The following JPH1 variants were observed in gnomAD, a reference collection of about 807,000 sequenced individuals.
JPH1 encodes the protein junctophilin-1.
Under a neutral mutation model 53.6 loss-of-function variants are expected in JPH1, and 12 were observed. That is an observed-to-expected ratio of 0.22 (90% CI 0.14 to 0.36). The LOEUF (loss-of-function observed/expected upper bound fraction) is 0.36, where lower values mean the gene tolerates loss of function less well. JPH1 is among the 10% of genes least tolerant of loss of function. The pLI, the probability that JPH1 is intolerant of heterozygous loss-of-function variation, is 1.00. For synonymous variants in JPH1, 375 were observed against 363.8 expected (o/e 1.03, Z -0.35); for missense variants, 808 against 905.5 (o/e 0.89, Z 1.38).
At chr8:74,238,734 C>T (rs539451437) in intron 4 of JPH1, among the ~76,000 whole-genome samples, 1 of 152,304 alleles carries the variant, frequency 6.6e-6, no homozygotes, top group African/African-American at 2.4e-5. Context: ...CTCAGCTCAT[C>T]GCAGCCTTGA....
At chr8:74,280,331 G>A (rs140743585) in intron 2 of JPH1, among the ~76,000 whole-genome samples, 36 of 152,308 alleles carry the variant, frequency 2.4e-4, no homozygotes, top group African/African-American at 8.4e-4. Context: ...CACCTCCTCA[G>A]CTGTGAGGTG....
intron 2 of JPH1, among the ~76,000 whole-genome samples, chr8:74,303,650 C>T (rs548729189): frequency 7.8e-4 from 119 of 152,228 alleles, no homozygotes; most frequent in African/African-American, 2.8e-3. Flanking sequence ...GTGGCGTGAT[C>T]ATAGCTCACT....
intron 2 of JPH1, among the ~76,000 whole-genome samples, chr8:74,278,252 T>C (rs1252706846): frequency 6.7e-6 from 1 of 149,312 alleles, no homozygotes; most frequent in African/African-American, 2.6e-5. Flanking sequence ...GCTCTGTCTC[T>C]TTGTCTGCTG....
At position 74,237,280 on chromosome 8, in the gene JPH1, G is replaced by A; in HGVS notation, c.1929C>T (p.Val643=). 1 of 1,613,118 alleles carries A rather than the reference G, an allele frequency of 6.2e-7. No individual in the cohort carries two copies. Among genetic ancestry groups the A allele is most frequent in the Non-Finnish European group, 8.5e-7 (1 of 1,179,532 alleles). ...ACCCGATATTCAACAGCATGACAAG[G>A]ACAATCATGATTGAATTAGGGCCCT... The part of the protein sequence containing the change: ...ANSGPNSIMI[V]LVMLLNIGLA... The change falls in exon 5 of 6, where the codon GTC becomes GTT. Residue 643 remains valine (V), a synonymous_variant. Coordinates refer to ENST00000342232, the MANE Select transcript of JPH1 (RefSeq NM_020647.4).
intron 2 of JPH1, among the ~76,000 whole-genome samples, chr8:74,278,032 TA>T (rs1806899469): frequency 6.6e-6 from 1 of 152,172 alleles, no homozygotes; most frequent in Non-Finnish European, 1.5e-5. Flanking sequence ...TTCCCATTTC[TA>T]AACAAAAAGA....
intron 4 of JPH1, among the ~76,000 whole-genome samples, chr8:74,242,689 G>A (rs1252479500): frequency 6.6e-6 from 1 of 152,138 alleles, no homozygotes; most frequent in Non-Finnish European, 1.5e-5. Flanking sequence ...TAGAATCTTC[G>A]CGTGAAGGTG....
chr8:74,292,953 C>A (rs569994417), intron 2 of JPH1, among the ~76,000 whole-genome samples: 1 of 152,276 alleles, frequency 6.6e-6, no homozygotes, highest in East Asian at 1.9e-4. Context: ...AAAAAGGAAG[C>A]CTCCATCAAA....
chr8:74,275,361 C>T (rs187623045), intron 2 of JPH1, among the ~76,000 whole-genome samples: 61 of 152,192 alleles, frequency 4.0e-4, no homozygotes, highest in African/African-American at 1.4e-3. Context: ...AATATAATTA[C>T]GCTTTGAATA....
Position 74,285,614 on chromosome 8 carries a change from T to G in JPH1, c.1140-26111A>C, listed in dbSNP as rs901342172. 4.9e-5 allele frequency among the ~76,000 whole-genome samples: 7 copies of G among 143,752 alleles called. No individual in the cohort carries two copies. The South Asian group carries it at 6.5e-4, about 13-fold the overall frequency. The allele number at this position is 143,752 out of a possible 152,430, so 94.3% of individuals were successfully genotyped here. A position where few individuals can be genotyped will look rare whatever the true frequency, so the allele number is the denominator to read the frequency against. ...CAACTGACATGAGGCTATTTATGAT[T>G]CTTCTTTATCCCACCTAGTGTGATT... On this transcript the variant is annotated intron_variant, in intron 2 of 5. Transcript: ENST00000342232.
Position 74,237,335 on chromosome 8 carries a change from C to T in JPH1, c.1906-32G>A, listed in dbSNP as rs200526256. 1,071 of 1,514,672 alleles carry T rather than the reference C, an allele frequency of 7.1e-4. 13 individuals are homozygous for T. In the South Asian group the frequency reaches 0.012, roughly 17 times the overall value. 93.8% of individuals were successfully genotyped at this position (1,514,672 alleles called of 1,614,324 possible). A position where few individuals can be genotyped will look rare whatever the true frequency, so the allele number is the denominator to read the frequency against. On this transcript the variant is annotated intron_variant, in intron 4 of 5. Coordinates refer to ENST00000342232, the MANE Select transcript of JPH1 (RefSeq NM_020647.4). The stretch of plus-strand genomic sequence containing the variant: ...ATGAAAGAGAACAAAGTAACTATAA[C>T]TTCTCCATGTTAATATCAAGATATT...
intron 2 of JPH1, among the ~76,000 whole-genome samples, chr8:74,269,321 G>A (rs1054265881): frequency 6.6e-5 from 10 of 152,184 alleles, no homozygotes; most frequent in Non-Finnish European, 5.9e-5. Context: ...GAATTTATGA[G>A]AGAACTGTTT....
At chr8:74,245,541 T>C (rs1010820132) in intron 3 of JPH1, among the ~76,000 whole-genome samples, 4 of 152,238 alleles carry the variant, frequency 2.6e-5, no homozygotes, top group Non-Finnish European at 5.9e-5. Context: ...AGCTGACTAC[T>C]GTAAGCATCT....
intron 2 of JPH1, among the ~76,000 whole-genome samples, chr8:74,289,433 G>T (rs1405969228): frequency 1.3e-5 from 2 of 152,158 alleles, no homozygotes; most frequent in Non-Finnish European, 2.9e-5. Context: ...AATTCTAAAG[G>T]TATTTAAATG....
At chr8:74,254,363 T>G (rs1586737758) in intron 3 of JPH1, among the ~76,000 whole-genome samples, 1 of 152,192 alleles carries the variant, frequency 6.6e-6, no homozygotes, top group South Asian at 2.1e-4. Context: ...CTAAAAACTC[T>G]CAATAAATTA....
chr8:74,289,653 G>A (rs1287640101), intron 2 of JPH1, among the ~76,000 whole-genome samples: 2 of 152,176 alleles, frequency 1.3e-5, no homozygotes, highest in African/African-American at 4.8e-5. Flanking sequence ...CTTTCCTGAT[G>A]CTGCCGCATG....
At chr8:74,259,843 A>T (rs1806341527) in intron 2 of JPH1, among the ~76,000 whole-genome samples, 1 of 152,238 alleles carries the variant, frequency 6.6e-6, no homozygotes, top group East Asian at 1.9e-4. Context: ...AATTATGGAA[A>T]GTAGAATTAG....
At chr8:74,296,753 A>T (rs1807533136) in intron 2 of JPH1, among the ~76,000 whole-genome samples, 1 of 152,214 alleles carries the variant, frequency 6.6e-6, no homozygotes, top group African/African-American at 2.4e-5. Flanking sequence ...TATAATTGAC[A>T]AATAAATATT....
At chr8:74,253,447 T>C (rs1347277801) in intron 3 of JPH1, among the ~76,000 whole-genome samples, 2 of 151,812 alleles carry the variant, frequency 1.3e-5, no homozygotes, top group South Asian at 2.1e-4. Flanking sequence ...GCAGGAAAGA[T>C]CTAAAATTGA....
intron 3 of JPH1, among the ~76,000 whole-genome samples, chr8:74,253,200 C>T (rs953334548): frequency 6.6e-6 from 1 of 152,138 alleles, no homozygotes; most frequent in Non-Finnish European, 1.5e-5. Context: ...ATCTCTCAGA[C>T]CACAGTGCAA....
Sources: gnomAD v4.1 joint callset for allele counts (sites outside exome capture counted in the v4.1 genomes callset) on GRCh38, gnomAD v4.1.1 for gene constraint, MANE v1.5 for transcripts, NCBI Gene and HGNC (gene_info 2026-07-23, HGNC 2026-07-21) for gene names.